CSGALNACT1: variants seen among roughly 807,000 people sequenced by gnomAD.
The protein encoded by CSGALNACT1 is beta4GalNAcT-1.
Under a neutral mutation model 51.0 loss-of-function variants are expected in CSGALNACT1, and 52 were observed. The ratio of observed to expected loss-of-function variants is 1.02; its 90% CI spans 0.82 to 1.29. The LOEUF (loss-of-function observed/expected upper bound fraction) is 1.29, where lower values mean the gene tolerates loss of function less well. Ranked by LOEUF, CSGALNACT1 falls within the 50% of genes most tolerant of loss-of-function variation. CSGALNACT1 has a pLI of 0.00. For synonymous variants in CSGALNACT1, 341 were observed against 254.4 expected, an observed-to-expected ratio of 1.34 and a Z score of -3.24; for missense variants, 935 against 679.2, an observed-to-expected ratio of 1.38 and a Z score of -4.19.
chr8:19,697,983 A>G (rs930792749), intron 1 of CSGALNACT1, among the ~76,000 whole-genome samples: 2 of 152,170 alleles, frequency 1.3e-5, no homozygotes, highest in Non-Finnish European at 2.9e-5. Context: ...ATGCTGCCAA[A>G]AAGTTAAGTA....
At chr8:19,550,971 G>C (rs142555789) in intron 3 of CSGALNACT1, among the ~76,000 whole-genome samples, 85 of 152,188 alleles carry the variant, frequency 5.6e-4, no homozygotes, top group African/African-American at 2.0e-3. Context: ...GGTTAGAATG[G>C]GCTCCCACTA....
At chr8:19,640,414 C>A (rs1392476677) in intron 1 of CSGALNACT1, among the ~76,000 whole-genome samples, 3 of 152,172 alleles carry the variant, frequency 2.0e-5, no homozygotes, top group Non-Finnish European at 4.4e-5. Context: ...CCTTGGAATT[C>A]AGCTGCTAGA....
At chr8:19,676,886 C>T (rs1027429997) in intron 1 of CSGALNACT1, among the ~76,000 whole-genome samples, 1 of 152,162 alleles carries the variant, frequency 6.6e-6, no homozygotes, top group African/African-American at 2.4e-5. Context: ...ATGTCAAACA[C>T]TACTGATAAA....
intron 6 of CSGALNACT1, among the ~76,000 whole-genome samples, chr8:19,437,071 T>C (rs1191671522): frequency 6.6e-6 from 1 of 152,164 alleles, no homozygotes; most frequent in African/African-American, 2.4e-5. Flanking sequence ...GAGCAGGTTA[T>C]AATCTAGTTG....
At position 19,704,679 on chromosome 8, in the gene CSGALNACT1, C is replaced by CGGAT. The variant is rs563458176; in HGVS notation, c.-297+53167_-297+53170dup. Among the ~76,000 whole-genome samples, 417 of 152,022 alleles carry CGGAT rather than the reference C, an allele frequency of 2.7e-3. 1 individual carries two copies. Among genetic ancestry groups the CGGAT allele is most frequent in the African/African-American group, 9.1e-3 (378 of 41,448 alleles). On this transcript the variant is annotated intron_variant, in intron 1 of 1. Transcript: ENST00000517494. ...TGGAAACAATTTAAGTACCCATAGA[C>CGGAT]GGATGGATGGATGGATGGGTGGATA...
chr8:19,682,834 A>G (rs1360762451), upstream of CSGALNACT1: 2 of 432,218 alleles, frequency 4.6e-6, no homozygotes, highest in Non-Finnish European at 4.7e-6. Context: ...CTGTTCTGCA[A>G]TCAGGGCCAG....
chr8:19,427,065 C>T (rs931331314), intron 6 of CSGALNACT1, among the ~76,000 whole-genome samples: 1 of 152,184 alleles, frequency 6.6e-6, no homozygotes, highest in Non-Finnish European at 1.5e-5. Context: ...TAAAGCTGAA[C>T]ATGTTATCAT....
intron 6 of CSGALNACT1, among the ~76,000 whole-genome samples, chr8:19,426,351 C>A (rs898339110): frequency 6.6e-6 from 1 of 152,198 alleles, no homozygotes; most frequent in African/African-American, 2.4e-5. Context: ...CAGGCACAAA[C>A]CCAAGCTTTT....
chr8:19,522,841 C>G (rs1165631573), intron 3 of CSGALNACT1, among the ~76,000 whole-genome samples: 1 of 152,038 alleles, frequency 6.6e-6, no homozygotes, highest in Non-Finnish European at 1.5e-5. Flanking sequence ...ATTCCCAAGG[C>G]TCAAAAAAAA....
At chr8:19,553,640 A>ATATATATACATATATATATATATAT (rs201836569) in intron 3 of CSGALNACT1, among the ~76,000 whole-genome samples, 3 of 117,044 alleles carry the variant, frequency 2.6e-5, no homozygotes, top group Non-Finnish European at 5.1e-5. Flanking sequence ...TATATATATA[A>ATATATATACATATATATATATATAT]AAAAATATGT....
rs571015386 is a variant in CSGALNACT1 at position 19,409,563 on chromosome 8, G to A, written c.1228-869C>T. Among the ~76,000 whole-genome samples the A allele has an allele frequency of 1.6e-4, 25 of 152,282 alleles. No homozygotes were observed. The South Asian group carries it at 4.4e-3, about 27-fold the overall frequency. The stretch of plus-strand genomic sequence containing the variant: ...CATATACACAAACACGTATTCAGCT[G>A]AGAGAACTCTGGGAACAGTTTTGAG... On this transcript the variant is annotated intron_variant, in intron 8 of 9. Transcript: ENST00000454498.
intron 4 of CSGALNACT1, among the ~76,000 whole-genome samples, chr8:19,460,468 T>G (rs1012090831): frequency 6.6e-6 from 1 of 152,144 alleles, no homozygotes; most frequent in African/African-American, 2.4e-5. Flanking sequence ...GCATCCACTG[T>G]TGTCTTGGAA....
At chr8:19,743,067 C>T (rs2064416151) in intron 1 of CSGALNACT1, among the ~76,000 whole-genome samples, 1 of 152,148 alleles carries the variant, frequency 6.6e-6, no homozygotes, top group South Asian at 2.1e-4. Context: ...AAAAACAACT[C>T]ACAATAAACT....
chr8:19,568,294 T>G (rs1267169552), intron 3 of CSGALNACT1, among the ~76,000 whole-genome samples: 1 of 152,194 alleles, frequency 6.6e-6, no homozygotes, highest in Non-Finnish European at 1.5e-5. Flanking sequence ...GTTACTGTAT[T>G]GAATACAATT....
intron 1 of CSGALNACT1, among the ~76,000 whole-genome samples, chr8:19,673,965 G>C (rs1257915455): frequency 6.6e-6 from 1 of 152,174 alleles, no homozygotes; most frequent in East Asian, 1.9e-4. Flanking sequence ...TAAGAGCTTA[G>C]GTGAAGGGCA....
At chr8:19,745,947 T>C (rs2064632606) in intron 1 of CSGALNACT1, among the ~76,000 whole-genome samples, 1 of 152,074 alleles carries the variant, frequency 6.6e-6, no homozygotes. Flanking sequence ...AAGCAGGTGG[T>C]CACTTAGGCA....
chr8:19,530,305 TACACATACACACAC>T (rs142588442), intron 3 of CSGALNACT1, among the ~76,000 whole-genome samples: 33,844 of 149,104 alleles, frequency 0.23, 4,253 homozygotes, highest in African/African-American at 0.38. Flanking sequence ...CATGAATGTG[TACACATACACACAC>T]ACACACACAC....
chr8:19,505,746 T>C (rs768426504), exon 4 of CSGALNACT1: 1 of 1,614,108 alleles, frequency 6.2e-7, no homozygotes, highest in Non-Finnish European at 8.5e-7. Context: ...GGCCAACATG[T>C]ACAGGACAGA....
intron 4 of CSGALNACT1, among the ~76,000 whole-genome samples, chr8:19,496,043 G>A (rs1563728107): frequency 6.6e-6 from 1 of 152,190 alleles, no homozygotes; most frequent in Non-Finnish European, 1.5e-5. Flanking sequence ...CCGTATTCCG[G>A]CAATGAGGAA....
Sources: gnomAD v4.1 joint callset for allele counts (sites outside exome capture counted in the v4.1 genomes callset) on GRCh38, gnomAD v4.1.1 for gene constraint, MANE v1.5 for transcripts, NCBI Gene and HGNC (gene_info 2026-07-23, HGNC 2026-07-21) for gene names.